The following GRM8 variants were observed in gnomAD, a reference collection of about 807,000 sequenced individuals.
GRM8 encodes the protein metabotropic glutamate receptor 8.
A neutral mutation model predicts 87.2 loss-of-function variants in GRM8; 47 were observed. The observed-to-expected ratio is 0.54, with a 90% CI of 0.43 to 0.69. The LOEUF is 0.69. Ranked by LOEUF, GRM8 falls within the 30% of genes least tolerant of loss-of-function variation. The pLI is 0.00. For missense variants in GRM8, 1,019 were observed against 1,139.2 expected (o/e 0.89, Z 1.52); for synonymous variants, 396 against 404.5 (o/e 0.98, Z 0.25).
At chr7:127,078,812 G>A (rs533347163) in intron 3 of GRM8, among the ~76,000 whole-genome samples, 25 of 152,214 alleles carry the variant, frequency 1.6e-4, no homozygotes, top group African/African-American at 6.0e-4. Context: ...AAGGATACGT[G>A]GTATAATTAT....
chr7:126,760,499 T>A (rs1371329303), intron 7 of GRM8, among the ~76,000 whole-genome samples: 1 of 152,152 alleles, frequency 6.6e-6, no homozygotes, highest in Non-Finnish European at 1.5e-5. Context: ...CAGTGCTAAA[T>A]TTCATGGTGA....
intron 7 of GRM8, among the ~76,000 whole-genome samples, chr7:126,668,897 G>T (rs1156297981): frequency 3.9e-5 from 6 of 152,012 alleles, no homozygotes; most frequent in African/African-American, 7.3e-5. Context: ...TGGACATTTG[G>T]GTTGGTTCCA....
intron 3 of GRM8, among the ~76,000 whole-genome samples, chr7:127,015,248 AAGAAGAAGAAGAAAAGAGAGAGAG>A (rs1563414559): frequency 1.6e-5 from 2 of 125,410 alleles, no homozygotes; most frequent in Non-Finnish European, 3.4e-5. Context: ...GAAGAAGAAG[AAGAAGAAGAAGAAAAGAGAGAGAG>A]AGAGAGAGAG....
intron 7 of GRM8, among the ~76,000 whole-genome samples, chr7:126,739,143 A>G (rs1319729956): frequency 6.6e-6 from 1 of 152,022 alleles, no homozygotes; most frequent in African/African-American, 2.4e-5. Flanking sequence ...AAGAATGCAG[A>G]CATCCTCATA....
chr7:126,769,938 A>G lies in GRM8; in HGVS notation c.1284T>C (p.Ile428=), dbSNP rs573460178. The change falls in exon 7 of 11, where the codon ATT becomes ATC. Residue 428 remains isoleucine (I), a synonymous_variant. Coordinates refer to ENST00000339582, the MANE Select transcript of GRM8 (RefSeq NM_000845.3). ...NMHKDLCPGY[I]GLCPRMSTID... Reference sequence around the variant, plus strand: ...TGGTACTCATTCGTGGACAAAGGCCAATGTATCCAGGGCAGAGATCTTTGT... The same window carrying G: ...TGGTACTCATTCGTGGACAAAGGCCGATGTATCCAGGGCAGAGATCTTTGT... The G allele has an allele frequency of 6.2e-7, 1 of 1,612,910 alleles. No individual in the cohort carries two copies. Among genetic ancestry groups the G allele is most frequent in the South Asian group, 1.1e-5 (1 of 91,060 alleles).
intron 2 of GRM8, among the ~76,000 whole-genome samples, chr7:127,214,881 A>G (rs1027213293): frequency 2.6e-5 from 4 of 152,080 alleles, no homozygotes; most frequent in Non-Finnish European, 5.9e-5. Flanking sequence ...TTTCCTTTTC[A>G]AATTCTGCCT....
intron 7 of GRM8, among the ~76,000 whole-genome samples, chr7:126,722,815 G>A (rs1230600644): frequency 6.8e-6 from 1 of 148,066 alleles, no homozygotes; most frequent in Non-Finnish European, 1.5e-5. Context: ...AATCTTTAAG[G>A]AGAGGGGCTA....
intron 3 of GRM8, among the ~76,000 whole-genome samples, chr7:127,016,678 C>T (rs1489331290): frequency 2.0e-5 from 3 of 151,998 alleles, no homozygotes; most frequent in African/African-American, 4.8e-5. Flanking sequence ...AACCTGCATT[C>T]TTTATAATAA....
chr7:126,476,586 C>T (rs919832168), intron 9 of GRM8, among the ~76,000 whole-genome samples: 19 of 151,920 alleles, frequency 1.3e-4, no homozygotes, highest in African/African-American at 4.4e-4. Flanking sequence ...GGGCAAAGGA[C>T]CTGAATAGAC....
chr7:126,477,522 A>G (rs1004056322), intron 9 of GRM8, among the ~76,000 whole-genome samples: 2 of 151,340 alleles, frequency 1.3e-5, no homozygotes, highest in Non-Finnish European at 2.9e-5. Flanking sequence ...TTATTTGTCA[A>G]TTATGTCTCA....
intron 3 of GRM8, among the ~76,000 whole-genome samples, chr7:126,957,963 T>A (rs1808906167): frequency 6.6e-6 from 1 of 152,062 alleles, no homozygotes; most frequent in East Asian, 1.9e-4. Context: ...CAGCACACAC[T>A]TCCTCCCTTC....
chr7:126,956,320 C>T (rs1808677682), intron 3 of GRM8, among the ~76,000 whole-genome samples: 1 of 152,052 alleles, frequency 6.6e-6, no homozygotes, highest in African/African-American at 2.4e-5. Flanking sequence ...CACTATATCA[C>T]TTACTATTAT....
At chr7:126,603,671 G>A (rs1675838773) in intron 8 of GRM8, among the ~76,000 whole-genome samples, 1 of 152,074 alleles carries the variant, frequency 6.6e-6, no homozygotes, top group Non-Finnish European at 1.5e-5. Context: ...CTTATGCTAT[G>A]TAGGAAAAGG....
At chr7:127,126,394 C>T (rs913058137) in intron 2 of GRM8, among the ~76,000 whole-genome samples, 2 of 151,754 alleles carry the variant, frequency 1.3e-5, no homozygotes, top group African/African-American at 2.4e-5. Flanking sequence ...GTCAAGTATC[C>T]GACGCTCCCA....
intron 3 of GRM8, among the ~76,000 whole-genome samples, chr7:126,998,112 T>C (rs938992171): frequency 2.0e-5 from 3 of 151,704 alleles, no homozygotes; most frequent in Admixed American, 6.6e-5. Context: ...TTTCAACATA[T>C]GCTAATCAAT....
At chr7:127,151,713 A>C (rs1002949094) in intron 2 of GRM8, among the ~76,000 whole-genome samples, 2 of 152,080 alleles carry the variant, frequency 1.3e-5, no homozygotes, top group African/African-American at 2.4e-5. Context: ...TTTACAGAGA[A>C]TCTCAGAGAA....
At chr7:127,227,082 T>C (rs1011342600) in intron 2 of GRM8, among the ~76,000 whole-genome samples, 1 of 152,130 alleles carries the variant, frequency 6.6e-6, no homozygotes, top group Admixed American at 6.5e-5. Flanking sequence ...GTCAAATACA[T>C]TAAGTTTAGG....
chr7:127,205,835 C>A lies in GRM8; in HGVS notation c.510+36860G>T, dbSNP rs1795880608. ...TCTCTTCACCCAGGCTCCATGTATT[C>A]CCTTGTATTCTCATCTCTTTCCCTC... On this transcript the variant is annotated intron_variant, in intron 2 of 10. Coordinates refer to ENST00000339582, the MANE Select transcript of GRM8 (RefSeq NM_000845.3). 2.0e-5 allele frequency among the ~76,000 whole-genome samples: 3 copies of A among 152,272 alleles called. No individual in the cohort carries two copies. The South Asian group carries it at 6.2e-4, about 32-fold the overall frequency.
rs1031163897 is a variant in GRM8 at position 126,674,081 on chromosome 7, G to A, written c.1358-64583C>T. Among the ~76,000 whole-genome samples the A allele has an allele frequency of 3.3e-5, 5 of 151,818 alleles. No homozygotes were observed. In the East Asian group the frequency reaches 5.8e-4, roughly 18 times the overall value. On this transcript the variant is annotated intron_variant, in intron 7 of 10. Transcript: ENST00000339582. ...CAAACACTACAATTCAATCTCTTCC[G>A]ATTCTTATTCCATCTCTCAACCTGC... is the stretch of plus-strand genomic sequence containing the variant.
Sources: allele counts gnomAD v4.1 joint callset (sites outside exome capture counted in the v4.1 genomes callset), GRCh38; gene constraint gnomAD v4.1.1; transcripts MANE v1.5; gene names NCBI Gene and HGNC (gene_info 2026-07-23, HGNC 2026-07-21).